CDC6: variants seen among roughly 807,000 people sequenced by gnomAD.
The protein encoded by CDC6 is cell division cycle 6, also known as DNA replication factor CDC6.
A neutral mutation model predicts 60.2 loss-of-function variants in CDC6; 46 were observed. The ratio of observed to expected loss-of-function variants is 0.76; its 90% confidence interval spans 0.60 to 0.98. CDC6 has a LOEUF of 0.98. Among genes scored for constraint, CDC6 ranks in the 50% least tolerant of loss-of-function variants. The pLI is 0.00. For missense variants in CDC6, 596 were observed against 652.9 expected (o/e 0.91, Z 0.95); for synonymous variants, 210 against 233.2 (o/e 0.90, Z 0.90).
rs767234364 is a variant in CDC6 at position 40,293,442 on chromosome 17, A to T, written c.661-14A>T. ...AGGCCAAAATAACTCCCATATTTGCATTTTTTTTTCCAGAAGGAACTGAAA... is the reference window on the plus strand; with the variant it reads ...AGGCCAAAATAACTCCCATATTTGCTTTTTTTTTTCCAGAAGGAACTGAAA... On this transcript the variant is annotated splice_polypyrimidine_tract_variant and intron_variant, in intron 4 of 11. Transcript: ENST00000209728. 104 of 1,584,344 alleles carry T rather than the reference A, an allele frequency of 6.6e-5. No individual in the cohort carries two copies. Among genetic ancestry groups the T allele is most frequent in the Non-Finnish European group, 8.5e-5 (98 of 1,156,270 alleles).
chr17:40,291,407 A>T (rs1300297432), intron 3 of CDC6, 62 bp from the exon 4 acceptor site: 1 of 1,611,002 alleles, frequency 6.2e-7, no homozygotes, highest in East Asian at 2.2e-5. Context: ...AAATGAAACC[A>T]CCCACTGGGT....
intron 4 of CDC6, among the ~76,000 whole-genome samples, chr17:40,292,250 A>C (rs1308095079): frequency 1.3e-5 from 2 of 151,294 alleles, no homozygotes; most frequent in Non-Finnish European, 3.0e-5. Flanking sequence ...ACTTGTCCTG[A>C]ACTCCTGAGC....
At chr17:40,291,702 T>TA (rs1180855176) in intron 4 of CDC6, 34 bp downstream of exon 4, 1 of 1,561,532 alleles carries the variant, frequency 6.4e-7, no homozygotes, top group Non-Finnish European at 8.8e-7. Flanking sequence ...ATACTCTTGG[T>TA]AAAATGATAC....
chr17:40,292,969 T>C (rs556876408), intron 4 of CDC6, among the ~76,000 whole-genome samples: 1 of 150,918 alleles, frequency 6.6e-6, no homozygotes, highest in Non-Finnish European at 1.5e-5. Flanking sequence ...CCTGGTGCGG[T>C]GGCTCACACC....
At position 40,294,440 on chromosome 17, in the gene CDC6, G is replaced by C. The variant is rs181925915; in HGVS notation, c.1020G>C (p.Leu340=). 1.1e-5 allele frequency: 18 copies of C among 1,613,436 alleles called. No individual in the cohort carries two copies. Among genetic ancestry groups the C allele is most frequent in the Non-Finnish European group, 1.4e-5 (17 of 1,179,516 alleles). Residue 340 remains leucine, a synonymous_variant, in exon 7 of 12, where the codon CTG becomes CTC. Transcript: ENST00000209728. ...CTAGAGAAAAATGTAAGCCACAGCT[G>C]TTGAACTTCCCACCTTATACCAGAA... ...LQAREKCKPQ[L]LNFPPYTRNQ... is the part of the protein sequence containing the mutation.
chr17:40,290,686 G>C (rs979816306), intron 2 of CDC6, among the ~76,000 whole-genome samples: 2 of 152,224 alleles, frequency 1.3e-5, no homozygotes, highest in African/African-American at 4.8e-5. Context: ...TAAGTGACTA[G>C]TGGGTGGATA....
Position 40,294,448 on chromosome 17 carries a change from TC to T in CDC6, c.1031del (p.Pro344HisfsTer8), listed in dbSNP as rs781175725. On this transcript the variant is annotated frameshift_variant, in exon 7 of 12. Transcript: ENST00000209728. LOFTEE classifies it high-confidence loss of function. ...AAATGTAAGCCACAGCTGTTGAACTTCCCACCTTATACCAGAAATCAGATAG... is the reference window on the plus strand; with the variant it reads ...AAATGTAAGCCACAGCTGTTGAACTTCCACCTTATACCAGAAATCAGATAG... ...REKCKPQLLN[F>X]PPYTRNQIVT... The T allele has an allele frequency of 2.0e-5, 33 of 1,613,788 alleles. No homozygotes were observed. Among genetic ancestry groups the T allele is most frequent in the Non-Finnish European group, 5.1e-6 (6 of 1,179,810 alleles).
chr17:40,301,843 A>T, intron 11 of CDC6, 69 bp from the exon 12 acceptor site: 1 of 1,080,956 alleles, frequency 9.3e-7, no homozygotes, highest in Non-Finnish European at 1.4e-6. Context: ...ATATGGTAGA[A>T]GTTTGTATAC....
At chr17:40,295,293 G>A (rs2032841285) in intron 7 of CDC6, 63 bp from the exon 8 acceptor site, 2 of 1,049,084 alleles carry the variant, frequency 1.9e-6, no homozygotes, top group East Asian at 4.7e-5. Context: ...TTATGCTTGG[G>A]ACCTAAATTA....
intron 4 of CDC6, among the ~76,000 whole-genome samples, chr17:40,292,217 C>T (rs1053495567): frequency 6.6e-5 from 10 of 152,050 alleles, no homozygotes; most frequent in African/African-American, 2.4e-4. Flanking sequence ...TTTGTAGAGA[C>T]AGGGTTTCAC....
Position 40,291,248 on chromosome 17 carries a change from A to T in CDC6, c.369A>T (p.Ser123=). Residue 123 remains serine, a synonymous_variant, in exon 3 of 12, where the codon TCA becomes TCT. Coordinates refer to ENST00000209728, the MANE Select transcript of CDC6 (RefSeq NM_001254.4). The stretch of plus-strand genomic sequence containing the variant: ...TTCACCAAAACAAAATACTTTCTTC[A>T]GTTAGAAAAAGTCAAGAGATCACAA... The part of the protein sequence containing the change: ...AKVHQNKILS[S]VRKSQEITTN... The T allele has an allele frequency of 6.2e-7, 1 of 1,614,214 alleles. No homozygotes were observed.
Position 40,301,611 on chromosome 17 carries a change from A to G in CDC6, c.1593+3A>G, listed in dbSNP as rs1180045643. The G allele has an allele frequency of 6.2e-7, 1 of 1,614,040 alleles. No individual in the cohort carries two copies. The highest frequency in any genetic ancestry group is 2.2e-5 in the East Asian group (1 of 44,888). The stretch of plus-strand genomic sequence containing the variant: ...ACAAGGAAACCCGTTTGACAAAGGT[A>G]CAACTGCTTTTTTGTGACAGTGTTT... On this transcript the variant is annotated splice_donor_region_variant and intron_variant, in intron 11 of 11. Transcript: ENST00000209728.
At chr17:40,293,821 C>A in intron 5 of CDC6, 129 bp from the exon 6 acceptor site, 1 of 928,214 alleles carries the variant, frequency 1.1e-6, no homozygotes, top group Non-Finnish European at 1.8e-6. Flanking sequence ...GTAGCAGTAA[C>A]TAGAGATAGG....
chr17:40,293,587 G>T lies in CDC6; in HGVS notation c.792G>T (p.Met264Ile). 2 of 1,613,944 alleles carry T rather than the reference G, an allele frequency of 1.2e-6. No homozygotes were observed. The highest frequency in any genetic ancestry group is 1.7e-6 in the Non-Finnish European group (2 of 1,179,778). ...EVSRPAGKDM[M>I]RKLEKHMTAE... ...CCAGGCCAGCTGGGAAGGACATGATGAGGAAATTGGAAAAACATATGACTG... is the reference window on the plus strand; with the variant it reads ...CCAGGCCAGCTGGGAAGGACATGATTAGGAAATTGGAAAAACATATGACTG... Residue 264 changes from methionine (M) to isoleucine (I), a missense_variant, in exon 5 of 12, where the codon ATG becomes ATT. Met to Ile is a conservative substitution (Grantham distance 10). Coordinates refer to ENST00000209728, the MANE Select transcript of CDC6 (RefSeq NM_001254.4).
At chr17:40,295,665 G>T (rs944814092) in intron 8 of CDC6, among the ~76,000 whole-genome samples, 1 of 151,820 alleles carries the variant, frequency 6.6e-6, no homozygotes, top group Admixed American at 6.6e-5. Context: ...ACCTACAGAG[G>T]GAGAAACAAA....
chr17:40,300,741 C>T, intron 9 of CDC6, 87 bp from the exon 10 acceptor site: 1 of 1,079,656 alleles, frequency 9.3e-7, no homozygotes, highest in South Asian at 1.3e-5. Flanking sequence ...TTTCCTTTAG[C>T]TCAAACTTAG....
Position 40,295,438 on chromosome 17 carries a change from A to G in CDC6, c.1166A>G (p.Lys389Arg). 6.2e-7 allele frequency: 1 copy of G among 1,611,808 alleles called. No individual in the cohort carries two copies. The highest frequency in any genetic ancestry group is 2.2e-5 in the East Asian group (1 of 44,864). Residue 389 changes from lysine to arginine, a missense_variant, in exon 8 of 12, where the codon AAA becomes AGA. By Grantham distance (26) the Lys-to-Arg change is conservative. Coordinates refer to ENST00000209728, the MANE Select transcript of CDC6 (RefSeq NM_001254.4). The stretch of plus-strand genomic sequence containing the variant: ...TCTGCTGTTTCAGGAGATGTTCGCA[A>G]AGCACTGGATGTTTGCAGGTGAGTT... The part of the protein sequence containing the change: ...KVSAVSGDVR[K>R]ALDVCRRAIE...
chr17:40,295,770 C>T (rs2032849822), intron 8 of CDC6, among the ~76,000 whole-genome samples: 1 of 152,198 alleles, frequency 6.6e-6, no homozygotes, highest in South Asian at 2.1e-4. Context: ...TAGCTGGTCT[C>T]AAGCAGGTTT....
At position 40,289,530 on chromosome 17, in the gene CDC6, C is replaced by G; in HGVS notation, c.110C>G (p.Thr37Arg). Reference protein sequence around the residue: ...KNSSDAKLEPTNVQTVTCSPR... With the variant: ...KNSSDAKLEPRNVQTVTCSPR... ...TCCAGTGATGCCAAACTAGAACCAA[C>G]AAATGTCCAAACCGTAACCTGTTCT... Residue 37 changes from threonine (T) to arginine (R), a missense_variant, in exon 2 of 12, where the codon ACA (threonine) becomes AGA (arginine). Physicochemically the swap from Thr to Arg is moderately conservative, Grantham distance 71. Transcript: ENST00000209728. The G allele has an allele frequency of 6.2e-7, 1 of 1,614,048 alleles. No homozygotes were observed. Among genetic ancestry groups the G allele is most frequent in the Admixed American group, 1.7e-5 (1 of 60,006 alleles).
Sources: allele counts gnomAD v4.1 joint callset (sites outside exome capture counted in the v4.1 genomes callset), GRCh38; gene constraint gnomAD v4.1.1; transcripts MANE v1.5; gene names NCBI Gene and HGNC (gene_info 2026-07-23, HGNC 2026-07-21).